DYNC2LI1: variants seen among roughly 807,000 people sequenced by gnomAD.
DYNC2LI1 encodes dynein cytoplasmic 2 light intermediate chain 1.
DYNC2LI1 carries 45 observed loss-of-function variants against 51.9 expected under a neutral mutation model. That is an observed-to-expected ratio of 0.87 (90% CI 0.68 to 1.11). The LOEUF (loss-of-function observed/expected upper bound fraction) is 1.11, where lower values mean the gene tolerates loss of function less well. Ranked by LOEUF, DYNC2LI1 falls within the 50% of genes most tolerant of loss-of-function variation. The probability of loss-of-function intolerance (pLI) is 0.00; values close to 1 mark genes in which losing one functional copy is unlikely to be tolerated. For missense variants in DYNC2LI1, 490 were observed against 417.4 expected (o/e 1.17, Z -1.51); for synonymous variants, 130 against 137.8 (o/e 0.94, Z 0.40).
the DYNC2LI1 span, among the ~76,000 whole-genome samples, chr2:43,815,085 G>A: frequency 6.6e-6 from 1 of 152,198 alleles, no homozygotes; most frequent in African/African-American, 2.4e-5. Flanking sequence ...CCAATTGGAG[G>A]AGGAGATTTG....
chr2:43,794,233 A>G, intron 5 of DYNC2LI1: 1 of 414,834 alleles, frequency 2.4e-6, no homozygotes, highest in East Asian at 3.7e-5. Context: ...TCAAACAGAA[A>G]CTTAGTTCCA....
chr2:43,788,660 C>G (rs1322125578), intron 4 of DYNC2LI1, among the ~76,000 whole-genome samples: 2 of 152,098 alleles, frequency 1.3e-5, no homozygotes, highest in Admixed American at 6.5e-5. Context: ...CACTTTGTTT[C>G]CCAGGCTGGA....
chr2:43,813,316 A>C (rs114780578), downstream of DYNC2LI1: 758 of 1,598,646 alleles, frequency 4.7e-4, 5 homozygotes, highest in African/African-American at 9.1e-3. Flanking sequence ...CTGCCTGTCA[A>C]GGAAAAGATT....
At chr2:43,809,406 A>T (rs965677076) in intron 12 of DYNC2LI1, among the ~76,000 whole-genome samples, 2 of 152,248 alleles carry the variant, frequency 1.3e-5, no homozygotes, top group African/African-American at 4.8e-5. Flanking sequence ...ACAGATGTCT[A>T]GTTCATTAGT....
the DYNC2LI1 span, among the ~76,000 whole-genome samples, chr2:43,817,275 A>C: frequency 6.6e-6 from 1 of 152,114 alleles, no homozygotes; most frequent in Middle Eastern, 3.2e-3. Context: ...ACTTGAAGTC[A>C]GGAGTTTGAG....
chr2:43,816,540 G>T, the DYNC2LI1 span, among the ~76,000 whole-genome samples: 1 of 152,244 alleles, frequency 6.6e-6, no homozygotes, highest in Admixed American at 6.5e-5. Flanking sequence ...AGGTTGGTTT[G>T]TGCTTTGTCT....
At chr2:43,815,810 A>C in the DYNC2LI1 span, among the ~76,000 whole-genome samples, 6 of 151,634 alleles carry the variant, frequency 4.0e-5, no homozygotes, top group African/African-American at 1.5e-4. Flanking sequence ...TTGAATGACC[A>C]TGAATGAGAC....
intron 12 of DYNC2LI1, among the ~76,000 whole-genome samples, chr2:43,806,541 C>T (rs771464912): frequency 2.6e-5 from 4 of 152,102 alleles, no homozygotes; most frequent in Non-Finnish European, 5.9e-5. Flanking sequence ...GGAAAATGAC[C>T]TTATGTAACC....
At chr2:43,810,567 C>G (rs1218237130), downstream of DYNC2LI1, 5 of 954,728 alleles carry the variant, frequency 5.2e-6, no homozygotes, top group Non-Finnish European at 2.5e-6. Flanking sequence ...ATTCTATGTT[C>G]TTCCATGTCC....
intron 5 of DYNC2LI1, among the ~76,000 whole-genome samples, chr2:43,792,405 A>G (rs1441931385): frequency 1.3e-5 from 2 of 152,182 alleles, no homozygotes; most frequent in Non-Finnish European, 2.9e-5. Flanking sequence ...GATCAAGGAT[A>G]TATTGGTTAT....
chr2:43,806,447 G>A (rs1371262578), intron 12 of DYNC2LI1, among the ~76,000 whole-genome samples: 3 of 152,038 alleles, frequency 2.0e-5, no homozygotes, highest in African/African-American at 7.3e-5. Context: ...TTATGTAAAC[G>A]GTCCAGAAGA....
At chr2:43,828,103 T>C in the DYNC2LI1 span, 1 of 1,613,982 alleles carries the variant, frequency 6.2e-7, no homozygotes, top group Admixed American at 1.7e-5. Flanking sequence ...AGCTCTGCCA[T>C]GACGGCCTCC....
At chr2:43,804,616 AT>A (rs1440383418) in intron 10 of DYNC2LI1, 25 bp from the exon 11 acceptor site, 13 of 1,425,794 alleles carry the variant, frequency 9.1e-6, no homozygotes, top group Non-Finnish European at 1.3e-5. Flanking sequence ...CATTGCAGTC[AT>A]TTGTGGTAAA....
At chr2:43,813,714 T>TCA (rs1666628429), downstream of DYNC2LI1, among the ~76,000 whole-genome samples, 2 of 119,444 alleles carry the variant, frequency 1.7e-5, no homozygotes, top group African/African-American at 6.9e-5. Flanking sequence ...TTTTCGTTTT[T>TCA]TTTTTTTTTT....
intron 2 of DYNC2LI1, among the ~76,000 whole-genome samples, chr2:43,782,982 A>AAAAAT (rs886171397): frequency 5.3e-5 from 8 of 152,312 alleles, no homozygotes; most frequent in Non-Finnish European, 7.4e-5. Flanking sequence ...ACTCTGTCTC[A>AAAAAT]AAAATAAAAT....
chr2:43,789,656 G>A lies in DYNC2LI1; in HGVS notation c.255G>A (p.Trp85Ter). 1 of 1,613,706 alleles carries A rather than the reference G, an allele frequency of 6.2e-7. No homozygotes were observed. The highest frequency in any genetic ancestry group is 8.5e-7 in the Non-Finnish European group (1 of 1,179,820). ...AGCCAAAAGATATCGCTCACTTTTG[G>A]GAACTCGGTGGAGGAACCTCTTTAT... ...HNTPKDIAHF[W>*]ELGGGTSLLD... The change falls in exon 5 of 13, where the codon TGG (tryptophan) becomes TGA (stop). Residue 85 changes from tryptophan (W) to a stop codon, truncating the protein, a stop_gained. Transcript: ENST00000260605. LOFTEE classifies it high-confidence loss of function.
intron 5 of DYNC2LI1, among the ~76,000 whole-genome samples, chr2:43,790,409 T>A (rs1279880735): frequency 6.6e-6 from 1 of 152,204 alleles, no homozygotes; most frequent in African/African-American, 2.4e-5. Context: ...TGCTGCTGCC[T>A]GGATCAAATA....
chr2:43,804,744 A>C lies in DYNC2LI1; in HGVS notation c.900+5A>C, dbSNP rs750384632. 2 of 1,582,670 alleles carry C rather than the reference A, an allele frequency of 1.3e-6. No homozygotes were observed. The highest frequency in any genetic ancestry group is 2.3e-5 in the South Asian group (2 of 86,018). Reference sequence around the variant, plus strand: ...GAAAAGCTCTTTCCACCAAAGGTACATATTTCTAATTTTTTTAAAAGCAAG... The same window carrying C: ...GAAAAGCTCTTTCCACCAAAGGTACCTATTTCTAATTTTTTTAAAAGCAAG... On this transcript the variant is annotated splice_donor_5th_base_variant and intron_variant, in intron 11 of 12. Coordinates refer to ENST00000260605, the MANE Select transcript of DYNC2LI1 (RefSeq NM_016008.4).
intron 10 of DYNC2LI1, 68 bp downstream of exon 10, chr2:43,801,777 TC>T: frequency 8.5e-7 from 1 of 1,173,380 alleles, no homozygotes; most frequent in South Asian, 1.3e-5. Context: ...TACTCCATGT[TC>T]ACTTTGTCTC....
Sources: gnomAD v4.1 joint callset for allele counts (sites outside exome capture counted in the v4.1 genomes callset) on GRCh38, gnomAD v4.1.1 for gene constraint, MANE v1.5 for transcripts, NCBI Gene and HGNC (gene_info 2026-07-23, HGNC 2026-07-21) for gene names.